The following ZNF568 variants were observed in gnomAD, a reference collection of about 807,000 sequenced individuals.
ZNF568 encodes p53 inhibitor of SCO2 activation.
In ZNF568, 11 loss-of-function variants were observed where a neutral mutation model predicts 18.1. The ratio of observed to expected loss-of-function variants is 0.61; its 90% confidence interval spans 0.38 to 1.00. The LOEUF is 1.00. Ranked by LOEUF, ZNF568 falls within the 50% of genes least tolerant of loss-of-function variation. ZNF568 has a pLI of 0.01. For synonymous variants in ZNF568, 213 were observed against 246.6 expected (o/e 0.86, Z 1.28); for missense variants, 639 against 768.2 (o/e 0.83, Z 1.99).
Position 36,950,553 on chromosome 19 carries a change from TTC to T in ZNF568, c.1401_1402del (p.Thr469TrpfsTer6). The T allele has an allele frequency of 6.2e-7, 1 of 1,613,276 alleles. No individual in the cohort carries two copies. Among genetic ancestry groups the T allele is most frequent in the Non-Finnish European group, 8.5e-7 (1 of 1,179,598 alleles). Reference sequence around the variant, plus strand: ...GAAAATCTCATTACACATCAGAAAATTCACACTGGAGAGAAACCTTATGAATG... The same window carrying T: ...GAAAATCTCATTACACATCAGAAAATACACTGGAGAGAAACCTTATGAATG... On this transcript the variant is annotated frameshift_variant, in exon 7 of 7. Transcript: ENST00000333987. LOFTEE classifies it low-confidence loss of function (END_TRUNC).
chr19:36,974,734 G>C (rs920112881), intron 7 of ZNF568, among the ~76,000 whole-genome samples: 4 of 152,104 alleles, frequency 2.6e-5, no homozygotes, highest in Admixed American at 2.0e-4. Context: ...TGATTTGGCA[G>C]GGAAATTGAA....
Position 36,951,793 on chromosome 19 carries a change from T to C in ZNF568, c.*705T>C. 3.8e-6 allele frequency: 1 copy of C among 264,764 alleles called. No homozygotes were observed. The highest frequency in any genetic ancestry group is 5.8e-6 in the Non-Finnish European group (1 of 171,696). 16.4% of individuals were successfully genotyped at this position (264,764 alleles called of 1,614,324 possible). A position where few individuals can be genotyped will look rare whatever the true frequency, so the allele number is the denominator to read the frequency against. ...CGGGTTTTTTTGTTTTGTTTTGTTTTGTTTTTTGTATTTTTAGTAGAGACG... is the reference window on the plus strand; with the variant it reads ...CGGGTTTTTTTGTTTTGTTTTGTTTCGTTTTTTGTATTTTTAGTAGAGACG... On this transcript the variant is annotated 3_prime_UTR_variant, in exon 7 of 7. Coordinates refer to ENST00000333987, the MANE Select transcript of ZNF568 (RefSeq NM_198539.4).
chr19:36,996,490 A>G, exon 5 of ZNF568: 1 of 1,536,456 alleles, frequency 6.5e-7, no homozygotes, highest in Non-Finnish European at 8.7e-7. Context: ...ATTTACTTCC[A>G]TGCAGTGCAC....
At chr19:36,996,312 T>A in intron 4 of ZNF568, 1 of 1,517,016 alleles carries the variant, frequency 6.6e-7, no homozygotes, top group Non-Finnish European at 8.8e-7. Context: ...CTTATTATTT[T>A]GCAGATTGGG....
downstream of ZNF568, among the ~76,000 whole-genome samples, chr19:36,955,599 A>T (rs1320456994): frequency 6.6e-6 from 1 of 152,198 alleles, no homozygotes; most frequent in African/African-American, 2.4e-5. Flanking sequence ...TCATTAATTA[A>T]ATCATGGTGA....
At chr19:36,947,816 T>C (rs1234943334) in intron 6 of ZNF568, among the ~76,000 whole-genome samples, 1 of 152,198 alleles carries the variant, frequency 6.6e-6, no homozygotes, top group African/African-American at 2.4e-5. Context: ...TCTTTTAGGC[T>C]GGTTTTAGGT....
At chr19:36,924,849 A>G (rs2073525052) in intron 3 of ZNF568, among the ~76,000 whole-genome samples, 1 of 151,938 alleles carries the variant, frequency 6.6e-6, no homozygotes, top group Non-Finnish European at 1.5e-5. Flanking sequence ...AAAGAAAAAA[A>G]AATTTTAAAG....
chr19:36,926,090 T>C (rs570029754), intron 4 of ZNF568, among the ~76,000 whole-genome samples: 24 of 152,334 alleles, frequency 1.6e-4, no homozygotes, highest in African/African-American at 5.8e-4. Context: ...TTTCTTCAAT[T>C]GAGTTTTTAA....
chr19:36,944,507 C>G (rs1226701678), intron 6 of ZNF568, among the ~76,000 whole-genome samples: 1 of 152,042 alleles, frequency 6.6e-6, no homozygotes, highest in Non-Finnish European at 1.5e-5. Context: ...AATCTTGGCT[C>G]CTCATTACAT....
At chr19:36,917,018 C>T (rs1256998864) in intron 1 of ZNF568, among the ~76,000 whole-genome samples, 2 of 152,142 alleles carry the variant, frequency 1.3e-5, no homozygotes, top group African/African-American at 2.4e-5. Flanking sequence ...TATCTTATGA[C>T]TTGCTGCTTT....
intron 4 of ZNF568, among the ~76,000 whole-genome samples, chr19:36,931,982 T>A (rs1191834481): frequency 6.6e-6 from 1 of 152,172 alleles, no homozygotes; most frequent in Non-Finnish European, 1.5e-5. Flanking sequence ...AATTGAGTCA[T>A]ATGATAAACT....
intron 6 of ZNF568, among the ~76,000 whole-genome samples, chr19:36,942,897 G>A (rs543158742): frequency 6.6e-6 from 1 of 151,918 alleles, no homozygotes; most frequent in African/African-American, 2.4e-5. Flanking sequence ...ATTTCATTGT[G>A]TCAAGAATGT....
chr19:36,974,325 T>C, intron 6 of ZNF568: 1 of 1,074,158 alleles, frequency 9.3e-7, no homozygotes. Flanking sequence ...GGTCTCCCTT[T>C]CAGTGCCTGG....
intron 2 of ZNF568, among the ~76,000 whole-genome samples, chr19:36,987,591 C>G (rs1303880385): frequency 2.9e-5 from 1 of 34,210 alleles, no homozygotes; most frequent in Non-Finnish European, 6.3e-5. Flanking sequence ...AGGGCTCCCT[C>G]AAGTCTTTGG....
At chr19:36,926,886 A>T (rs2073564969) in intron 4 of ZNF568, among the ~76,000 whole-genome samples, 1 of 152,224 alleles carries the variant, frequency 6.6e-6, no homozygotes, top group South Asian at 2.1e-4. Context: ...TCATAAACCC[A>T]GGATTCAAAT....
chr19:36,950,193 A>T lies in ZNF568; in HGVS notation c.1040A>T (p.Gln347Leu). 1 of 1,613,442 alleles carries T rather than the reference A, an allele frequency of 6.2e-7. No individual in the cohort carries two copies. ...TGTGGGAAATCCTTCAGCCAGAAGCAAAATCTTATTGAGCACGAGAAAATT... is the reference window on the plus strand; with the variant it reads ...TGTGGGAAATCCTTCAGCCAGAAGCTAAATCTTATTGAGCACGAGAAAATT... ...KECGKSFSQKQNLIEHEKIHT... is the reference protein window; with the variant it reads ...KECGKSFSQKLNLIEHEKIHT... The change falls in exon 7 of 7, where the codon CAA becomes CTA. Residue 347 changes from glutamine (Q) to leucine (L), a missense_variant. Transcript: ENST00000333987.
At chr19:36,994,375 A>G (rs1223002143) in intron 4 of ZNF568, among the ~76,000 whole-genome samples, 2 of 152,192 alleles carry the variant, frequency 1.3e-5, no homozygotes, top group East Asian at 1.9e-4. Flanking sequence ...AAAAATGTGT[A>G]TTCTCCTGTT....
chr19:36,933,833 A>AT (rs1568384286), intron 4 of ZNF568, among the ~76,000 whole-genome samples: 1 of 145,302 alleles, frequency 6.9e-6, no homozygotes, highest in African/African-American at 2.5e-5. Context: ...GTTAGTATTA[A>AT]TTTTTTTGTT....
downstream of ZNF568, among the ~76,000 whole-genome samples, chr19:36,983,383 C>G (rs2074347443): frequency 6.6e-6 from 1 of 152,034 alleles, no homozygotes; most frequent in Non-Finnish European, 1.5e-5. Flanking sequence ...TGTTTATTCC[C>G]TGTCTTCTAT....
Sources: allele counts gnomAD v4.1 joint callset (sites outside exome capture counted in the v4.1 genomes callset), GRCh38; gene constraint gnomAD v4.1.1; transcripts MANE v1.5; gene names NCBI Gene and HGNC (gene_info 2026-07-23, HGNC 2026-07-21).